Variants in ENOX2 observed in about 807,000 individuals in gnomAD.
The protein encoded by ENOX2 is ecto-NOX disulfide-thiol exchanger 2.
ENOX2 carries 36 observed loss-of-function variants against 45.0 expected under a neutral mutation model. The observed-to-expected ratio is 0.80, with a 90% CI of 0.61 to 1.06. The LOEUF (loss-of-function observed/expected upper bound fraction) is 1.06. Ranked by LOEUF, ENOX2 falls within the 50% of genes least tolerant of loss-of-function variation. The pLI is 0.00. For missense variants in ENOX2, 423 were observed against 462.5 expected (o/e 0.91, Z 0.78); for synonymous variants, 174 against 152.3 (o/e 1.14, Z -1.05).
chrX:130,862,593 T>A (rs1364165967), intron 2 of ENOX2, among the ~76,000 whole-genome samples: 2 of 110,303 alleles, frequency 1.8e-5, no homozygotes, highest in Non-Finnish European at 3.8e-5. Context: ...GGTGGGTGTA[T>A]GTGGGTGGGT....
chrX:130,853,104 A>G (rs190313775), intron 2 of ENOX2, among the ~76,000 whole-genome samples: 25 of 109,639 alleles, frequency 2.3e-4, no homozygotes, highest in Admixed American at 1.9e-3. Context: ...TTTTTTTACT[A>G]TATATATCCC....
rs757856157 is a variant in ENOX2, at chrX:130,796,505, A to C, written c.-182-12815T>G. ...AGGTATTCTTAACAAAGCTTGTCAA[A>C]AGATATTAATTCATTCAGAAAAAAA... is the stretch of plus-strand genomic sequence containing the variant. On this transcript the variant is annotated intron_variant, in intron 2 of 14. Transcript: ENST00000394363. Among the ~76,000 whole-genome samples the C allele has an allele frequency of 1.7e-4, 19 of 112,495 alleles. No individual in the cohort carries two copies. The South Asian group carries it at 6.4e-3, about 38-fold the overall frequency.
rs780330667 is a variant in ENOX2, at chrX:130,761,590, T to C, written c.-39+21957A>G. Among the ~76,000 whole-genome samples the C allele has an allele frequency of 2.7e-5, 3 of 111,947 alleles. No individual in the cohort carries two copies. In the South Asian group the frequency reaches 1.1e-3, roughly 42 times the overall value. ...CGTACTGCAAACTTTACAGAAAGCA[T>C]GGTGCTGGCATCTGCTTTGCCTCTG... On this transcript the variant is annotated intron_variant, in intron 3 of 14. Transcript: ENST00000394363.
intron 3 of ENOX2, among the ~76,000 whole-genome samples, chrX:130,703,622 C>T (rs918349218): frequency 1.8e-5 from 2 of 111,098 alleles, no homozygotes; most frequent in Admixed American, 1.9e-4. Context: ...ATGATTACTT[C>T]AGCAGCTTCC....
intron 2 of ENOX2, among the ~76,000 whole-genome samples, chrX:130,870,510 C>T (rs886893521): frequency 3.1e-4 from 35 of 111,311 alleles, no homozygotes; most frequent in Non-Finnish European, 5.9e-4. Context: ...TCCCATTCTA[C>T]CACCAGGACA....
chrX:130,856,842 CAAAG>C (rs1325050657), intron 2 of ENOX2, among the ~76,000 whole-genome samples: 4 of 111,038 alleles, frequency 3.6e-5, no homozygotes, highest in African/African-American at 1.3e-4. Flanking sequence ...AAGTCAATAA[CAAAG>C]AAGTATCTAA....
chrX:130,898,736 CTTTTTTT>C (rs58534541), intron 2 of ENOX2, among the ~76,000 whole-genome samples: 3 of 95,324 alleles, frequency 3.1e-5, no homozygotes, highest in Non-Finnish European at 6.4e-5. Context: ...TCTTTTTTTT[CTTTTTTT>C]TTTTTTTGTT....
At position 130,703,102 on chromosome X, in the gene ENOX2, T is replaced by G. The variant is rs2037942268; in HGVS notation, c.97+18A>C. 1 of 1,198,753 alleles carries G rather than the reference T, an allele frequency of 8.3e-7. No individual in the cohort carries two copies. The highest frequency in any genetic ancestry group is 1.8e-5 in the South Asian group (1 of 54,752). On this transcript the variant is annotated intron_variant, in intron 4 of 14. Transcript: ENST00000394363. ...TCAATAAAAATAAGCACTTGCGAGG[T>G]GATTAAAAATAACATACCAGGTAAA...
chrX:130,680,170 A>G (rs2037264685), intron 5 of ENOX2, among the ~76,000 whole-genome samples: 1 of 112,302 alleles, frequency 8.9e-6, no homozygotes, highest in Non-Finnish European at 1.9e-5. Flanking sequence ...TTCAGATTGT[A>G]GTTACTACAT....
At chrX:130,826,846 T>C (rs963979685) in intron 2 of ENOX2, among the ~76,000 whole-genome samples, 4 of 111,700 alleles carry the variant, frequency 3.6e-5, no homozygotes, top group Non-Finnish European at 7.5e-5. Context: ...AGACCAGTGG[T>C]TTCTGAGTCT....
intron 8 of ENOX2, among the ~76,000 whole-genome samples, chrX:130,666,164 CT>C (rs754015350): frequency 6.2e-4 from 69 of 111,926 alleles, no homozygotes; most frequent in Middle Eastern, 4.6e-3. Context: ...CTCTCTACCC[CT>C]GGCTCCTTTC....
chrX:130,799,298 A>G (rs777943936), intron 2 of ENOX2, among the ~76,000 whole-genome samples: 1 of 111,843 alleles, frequency 8.9e-6, no homozygotes, highest in Non-Finnish European at 1.9e-5. Context: ...TCTTGGACTT[A>G]TATCAGTGGT....
chrX:130,783,219 G>T (rs2076921045), intron 3 of ENOX2, among the ~76,000 whole-genome samples: 1 of 111,948 alleles, frequency 8.9e-6, no homozygotes, highest in African/African-American at 3.2e-5. Flanking sequence ...ATTCTTCAAG[G>T]ATCAGCTAAA....
chrX:130,703,019 T>G, intron 4 of ENOX2, 101 bp downstream of exon 4: 1 of 896,355 alleles, frequency 1.1e-6, no homozygotes, highest in Non-Finnish European at 1.6e-6. Flanking sequence ...AGGCAGAATC[T>G]GGTAAATGTC....
intron 2 of ENOX2, among the ~76,000 whole-genome samples, chrX:130,855,884 A>G (rs1353656112): frequency 8.9e-6 from 1 of 112,016 alleles, no homozygotes; most frequent in Non-Finnish European, 1.9e-5. Context: ...CAGTAAAAAT[A>G]TAACCAATTA....
chrX:130,686,064 T>C (rs770170611), intron 5 of ENOX2, among the ~76,000 whole-genome samples: 3 of 111,438 alleles, frequency 2.7e-5, no homozygotes, highest in Admixed American at 9.5e-5. Context: ...CAGGACCTTA[T>C]TGCTGAGAGG....
intron 2 of ENOX2, among the ~76,000 whole-genome samples, chrX:130,893,753 T>C (rs1265741145): frequency 8.9e-6 from 1 of 112,164 alleles, no homozygotes; most frequent in Non-Finnish European, 1.9e-5. Flanking sequence ...ACTTCCCATA[T>C]CTGGATGTGA....
chrX:130,790,645 C>T (rs998348501), intron 2 of ENOX2, among the ~76,000 whole-genome samples: 2 of 112,210 alleles, frequency 1.8e-5, no homozygotes, highest in Non-Finnish European at 1.9e-5. Context: ...CTGAATCCAT[C>T]CAGTACTTTC....
At chrX:130,837,045 G>A (rs1192570222) in intron 2 of ENOX2, among the ~76,000 whole-genome samples, 1 of 112,085 alleles carries the variant, frequency 8.9e-6, no homozygotes, top group Non-Finnish European at 1.9e-5. Flanking sequence ...GGAAAGGGAA[G>A]AAGCATATGG....
Sources: gnomAD v4.1 joint callset for allele counts (sites outside exome capture counted in the v4.1 genomes callset) on GRCh38, gnomAD v4.1.1 for gene constraint, MANE v1.5 for transcripts, NCBI Gene and HGNC (gene_info 2026-07-23, HGNC 2026-07-21) for gene names.